ADD3: variants seen among roughly 807,000 people sequenced by gnomAD.
ADD3 encodes the protein adducin 3.
ADD3 carries 25 observed loss-of-function variants against 80.2 expected under a neutral mutation model. The ratio of observed to expected loss-of-function variants is 0.31; its 90% CI spans 0.23 to 0.44. The LOEUF is 0.44. Ranked by LOEUF, ADD3 falls within the 20% of genes least tolerant of loss-of-function variation. The pLI is 1.00. For missense variants in ADD3, 829 were observed against 847.5 expected (o/e 0.98, Z 0.27); for synonymous variants, 284 against 289.6 (o/e 0.98, Z 0.20).
intron 1 of ADD3, among the ~76,000 whole-genome samples, chr10:110,051,870 A>G (rs188813811): frequency 1.3e-5 from 2 of 152,308 alleles, no homozygotes; most frequent in African/African-American, 4.8e-5. Context: ...TGGCACGAAC[A>G]TGGCTCACTG....
chr10:110,085,421 A>T (rs1374653171), intron 1 of ADD3, among the ~76,000 whole-genome samples: 1 of 152,250 alleles, frequency 6.6e-6, no homozygotes, highest in Non-Finnish European at 1.5e-5. Context: ...TCAGGAGCAG[A>T]TTCCCAGAAA....
intron 1 of ADD3, among the ~76,000 whole-genome samples, chr10:110,045,584 G>C (rs1856826229): frequency 6.6e-6 from 1 of 151,966 alleles, no homozygotes; most frequent in South Asian, 2.1e-4. Context: ...GTGACAATTT[G>C]GAAAAATGGA....
intron 1 of ADD3, among the ~76,000 whole-genome samples, chr10:110,024,859 A>G (rs977712349): frequency 2.0e-5 from 3 of 152,116 alleles, no homozygotes; most frequent in African/African-American, 7.2e-5. Flanking sequence ...ATGGAACAAA[A>G]TAAGGCACAA....
intron 1 of ADD3, among the ~76,000 whole-genome samples, chr10:110,087,869 C>A (rs1413261346): frequency 1.3e-5 from 2 of 152,176 alleles, no homozygotes; most frequent in African/African-American, 4.8e-5. Context: ...TATTCTCTTA[C>A]AGTTCCGGAG....
In ADD3 at chr10:110,059,360, T is replaced by C. The variant is rs574785282; in HGVS notation, c.-29-41265T>C. On this transcript the variant is annotated intron_variant, in intron 1 of 14. Coordinates refer to ENST00000356080, the MANE Select transcript of ADD3 (RefSeq NM_016824.5). ...GGTGGCGCATGCCTGTAATCCCAGC[T>C]ACTCAGGAGGCTGACGCAGGAGAAT... Among the ~76,000 whole-genome samples, 8 of 152,184 alleles carry C rather than the reference T, an allele frequency of 5.3e-5. No homozygotes were observed. In the South Asian group the frequency reaches 1.7e-3, roughly 32 times the overall value.
intron 1 of ADD3, among the ~76,000 whole-genome samples, chr10:110,017,359 C>T (rs764877029): frequency 5.9e-5 from 9 of 152,110 alleles, no homozygotes; most frequent in Non-Finnish European, 1.0e-4. Flanking sequence ...AGAATCAGGA[C>T]GTATACATGA....
chr10:110,024,114 A>G (rs1051183088), intron 1 of ADD3, among the ~76,000 whole-genome samples: 1 of 152,200 alleles, frequency 6.6e-6, no homozygotes, highest in African/African-American at 2.4e-5. Context: ...TCAGCATCAC[A>G]CAATATACCC....
rs144616620 is a variant in ADD3 at position 110,122,466 on chromosome 10, T to A, written c.1143+174T>A. Reference sequence around the variant, plus strand: ...GAGAATTAAACAGAACTTACAAATGTCGTGTTTTTTTTTTAAGATTACAAT... The same window carrying A: ...GAGAATTAAACAGAACTTACAAATGACGTGTTTTTTTTTTAAGATTACAAT... On this transcript the variant is annotated intron_variant, in intron 9 of 14. Transcript: ENST00000356080. Among the ~76,000 whole-genome samples, 1,372 of 152,052 alleles carry A rather than the reference T, an allele frequency of 9.0e-3. 8 individuals carry two copies. The highest frequency in any genetic ancestry group is 0.015 in the Non-Finnish European group (1,008 of 68,004).
intron 1 of ADD3, among the ~76,000 whole-genome samples, chr10:110,000,473 G>C (rs140714652): frequency 6.6e-6 from 1 of 152,184 alleles, no homozygotes; most frequent in Non-Finnish European, 1.5e-5. Context: ...CCATTCATTC[G>C]ACGAGTACTT....
upstream of ADD3, among the ~76,000 whole-genome samples, chr10:110,006,374 G>A (rs535019905): frequency 6.6e-6 from 1 of 152,270 alleles, no homozygotes; most frequent in Non-Finnish European, 1.5e-5. Context: ...GGCTAACCTT[G>A]ATGCATGCAA....
chr10:110,029,617 A>G (rs908265441), intron 1 of ADD3, among the ~76,000 whole-genome samples: 2 of 152,236 alleles, frequency 1.3e-5, no homozygotes, highest in African/African-American at 2.4e-5. Context: ...AAGCTCACCA[A>G]TGTGTAGGCC....
chr10:110,041,768 C>G lies in ADD3; in HGVS notation c.-30+33469C>G, dbSNP rs182313415. On this transcript the variant is annotated intron_variant, in intron 1 of 14. Coordinates refer to ENST00000356080, the MANE Select transcript of ADD3 (RefSeq NM_016824.5). ...TAGTTCAGAAATTTTCGTACTGAATCAACAAGAAGTTACTTGCAATAGATA... is the reference window on the plus strand; with the variant it reads ...TAGTTCAGAAATTTTCGTACTGAATGAACAAGAAGTTACTTGCAATAGATA... 1.8e-4 allele frequency among the ~76,000 whole-genome samples: 28 copies of G among 152,252 alleles called. No individual in the cohort carries two copies. In the East Asian group the frequency reaches 5.2e-3, roughly 28 times the overall value.
chr10:110,014,323 T>A (rs1474397060), intron 1 of ADD3, among the ~76,000 whole-genome samples: 1 of 152,188 alleles, frequency 6.6e-6, no homozygotes, highest in Non-Finnish European at 1.5e-5. Context: ...AAAATGGCAA[T>A]GGTCAGAGCT....
intron 1 of ADD3, among the ~76,000 whole-genome samples, chr10:110,014,260 A>G: frequency 6.6e-6 from 1 of 152,232 alleles, no homozygotes; most frequent in East Asian, 1.9e-4. Context: ...GTCTTAATAC[A>G]TGACAAAAAA....
intron 13 of ADD3, among the ~76,000 whole-genome samples, chr10:110,130,876 A>AG (rs2134239128): frequency 6.6e-6 from 1 of 152,106 alleles, no homozygotes; most frequent in Admixed American, 6.5e-5. Flanking sequence ...AAACAGAAAA[A>AG]GAAAAAAAAC....
In ADD3 at chr10:110,084,729, A is replaced by G. The variant is rs527352147; in HGVS notation, c.-29-15896A>G. 9.2e-5 allele frequency among the ~76,000 whole-genome samples: 14 copies of G among 152,300 alleles called. 1 individual carries two copies. The highest frequency in any genetic ancestry group is 3.3e-4 in the Admixed American group (5 of 15,302). On this transcript the variant is annotated intron_variant, in intron 1 of 14. Coordinates refer to ENST00000356080, the MANE Select transcript of ADD3 (RefSeq NM_016824.5). ...ATTCCTCTTTTGGCTCTCATTAGGT[A>G]ATATCAGGGAAAACAACTCCTCTTG...
intron 1 of ADD3, among the ~76,000 whole-genome samples, chr10:110,096,195 A>C (rs1487766283): frequency 5.3e-5 from 8 of 152,230 alleles, no homozygotes; most frequent in Admixed American, 2.0e-4. Flanking sequence ...TGGCTCTTTC[A>C]GCATTCTACC....
At chr10:110,110,388 A>G (rs1223198784) in intron 2 of ADD3, among the ~76,000 whole-genome samples, 1 of 152,188 alleles carries the variant, frequency 6.6e-6, no homozygotes, top group African/African-American at 2.4e-5. Context: ...TCCCTGCCCC[A>G]TGGTAGAATG....
intron 1 of ADD3, among the ~76,000 whole-genome samples, chr10:110,011,830 C>G (rs1166605793): frequency 6.6e-6 from 1 of 152,122 alleles, no homozygotes; most frequent in Non-Finnish European, 1.5e-5. Context: ...CGGGTCCATG[C>G]CAGAGTGTTT....
Sources: allele counts gnomAD v4.1 joint callset (sites outside exome capture counted in the v4.1 genomes callset), GRCh38; gene constraint gnomAD v4.1.1; transcripts MANE v1.5; gene names NCBI Gene and HGNC (gene_info 2026-07-23, HGNC 2026-07-21).